The following FMN1 variants were observed in gnomAD, a reference collection of about 807,000 sequenced individuals.
The protein encoded by FMN1 is formin-1.
FMN1 carries 110 observed loss-of-function variants against 132.4 expected under a neutral mutation model. The observed-to-expected ratio is 0.83, with a 90% CI of 0.71 to 0.97. FMN1 has a LOEUF of 0.97. Ranked by LOEUF, FMN1 falls within the 50% of genes least tolerant of loss-of-function variation. The pLI is 0.00. For synonymous variants in FMN1, 722 were observed against 651.7 expected, an observed-to-expected ratio of 1.11 and a Z score of -1.64; for missense variants, 1,792 against 1,705.3, an observed-to-expected ratio of 1.05 and a Z score of -0.90.
chr15:32,944,988 A>G (rs347917), intron 9 of FMN1, among the ~76,000 whole-genome samples: 2,473 of 152,230 alleles, frequency 0.016, 68 homozygotes, highest in African/African-American at 0.057. Flanking sequence ...TTGATTTTAG[A>G]CTTCTAGACT....
chr15:33,116,806 G>A (rs2039945545), intron 4 of FMN1, among the ~76,000 whole-genome samples: 1 of 152,000 alleles, frequency 6.6e-6, no homozygotes, highest in Non-Finnish European at 1.5e-5. Flanking sequence ...TTGAATTCAG[G>A]AAGGTTACTA....
intron 7 of FMN1, among the ~76,000 whole-genome samples, chr15:32,997,279 A>T (rs1180867142): frequency 6.7e-6 from 1 of 150,328 alleles, no homozygotes; most frequent in South Asian, 2.1e-4. Context: ...AAAGAACTCT[A>T]TTGTTTATTT....
chr15:32,885,933 T>C (rs2059886160), intron 16 of FMN1, among the ~76,000 whole-genome samples: 1 of 152,168 alleles, frequency 6.6e-6, no homozygotes, highest in Non-Finnish European at 1.5e-5. Flanking sequence ...TACGACACTT[T>C]AATGGCTACA....
At chr15:33,144,783 C>A (rs2468756) in intron 4 of FMN1, among the ~76,000 whole-genome samples, 72,566 of 151,912 alleles carry the variant, frequency 0.48, 17,591 homozygotes, top group East Asian at 0.68. Context: ...AAATCCACAT[C>A]GAATAAACAA....
At chr15:33,081,732 G>T (rs577302092) in intron 5 of FMN1, among the ~76,000 whole-genome samples, 1 of 152,250 alleles carries the variant, frequency 6.6e-6, no homozygotes, top group East Asian at 1.9e-4. Flanking sequence ...AATCCTGCCC[G>T]TGCCCTTGCT....
At position 32,934,161 on chromosome 15, in the gene FMN1, CTTA is replaced by C. The variant is rs373913199; in HGVS notation, c.3139-7903_3139-7901del. On this transcript the variant is annotated intron_variant, in intron 9 of 20. Coordinates refer to ENST00000616417, the MANE Select transcript of FMN1 (RefSeq NM_001277313.2). ...CATTTTCTTTGTTGTTACTATGAGACTTACATAAAACATTTTATAGGTATAATA... is the reference window on the plus strand; with the variant it reads ...CATTTTCTTTGTTGTTACTATGAGACCATAAAACATTTTATAGGTATAATA... Among the ~76,000 whole-genome samples the C allele has an allele frequency of 2.7e-3, 409 of 152,148 alleles. 4 individuals carry two copies. The highest frequency in any genetic ancestry group is 9.6e-3 in the African/African-American group (399 of 41,526).
chr15:33,000,804 A>G (rs994179034), intron 7 of FMN1, among the ~76,000 whole-genome samples: 2 of 152,238 alleles, frequency 1.3e-5, no homozygotes, highest in African/African-American at 4.8e-5. Flanking sequence ...TGTACGTGGT[A>G]AAGCTCAAAC....
At chr15:33,059,673 CAG>C (rs1165214918) in intron 6 of FMN1, among the ~76,000 whole-genome samples, 1 of 152,158 alleles carries the variant, frequency 6.6e-6, no homozygotes, top group African/African-American at 2.4e-5. Flanking sequence ...AATTTATCAA[CAG>C]AGTATTAATA....
chr15:33,169,339 C>T (rs975502004), intron 3 of FMN1, among the ~76,000 whole-genome samples: 10 of 152,138 alleles, frequency 6.6e-5, no homozygotes, highest in African/African-American at 1.9e-4. Flanking sequence ...CAAAACACAT[C>T]CTCAAAACAC....
intron 4 of FMN1, among the ~76,000 whole-genome samples, chr15:33,111,839 G>A (rs2039717979): frequency 6.6e-6 from 1 of 152,116 alleles, no homozygotes. Context: ...TTTGGGGGAG[G>A]TGATGAAAAT....
chr15:32,899,516 C>G (rs998123706), intron 14 of FMN1, among the ~76,000 whole-genome samples: 1 of 152,178 alleles, frequency 6.6e-6, no homozygotes, highest in African/African-American at 2.4e-5. Flanking sequence ...GGTGTGGAGC[C>G]AAGTGATAAT....
At chr15:32,856,690 G>A (rs1009353868) in intron 17 of FMN1, among the ~76,000 whole-genome samples, 17 of 152,222 alleles carry the variant, frequency 1.1e-4, no homozygotes, top group African/African-American at 3.9e-4. Flanking sequence ...TGCCTTACAT[G>A]TATGTCATTT....
intron 6 of FMN1, among the ~76,000 whole-genome samples, chr15:33,033,868 T>C (rs544117644): frequency 2.6e-5 from 4 of 152,254 alleles, no homozygotes; most frequent in African/African-American, 7.2e-5. Context: ...ATTTGCTCTA[T>C]CACGCGGCAC....
At chr15:33,041,396 A>T (rs1396555257) in intron 6 of FMN1, among the ~76,000 whole-genome samples, 3 of 150,372 alleles carry the variant, frequency 2.0e-5, no homozygotes, top group African/African-American at 7.3e-5. Context: ...CAGTTAAAAA[A>T]AAAAAAAAAA....
chr15:33,187,209 A>G lies in FMN1; in HGVS notation c.-197+6700T>C, dbSNP rs1595615937. Among the ~76,000 whole-genome samples the G allele has an allele frequency of 2.0e-5, 3 of 152,278 alleles. No individual in the cohort carries two copies. The South Asian group carries it at 6.2e-4, about 32-fold the overall frequency. On this transcript the variant is annotated intron_variant, in intron 2 of 20. Transcript: ENST00000616417. ...TTTTCCCCTTTGCTTAACCCCCACT[A>G]AGGCAGGTATTAGAATTGGAATTCA...
At chr15:32,841,313 C>A (rs1370860547) in intron 17 of FMN1, among the ~76,000 whole-genome samples, 2 of 152,066 alleles carry the variant, frequency 1.3e-5, no homozygotes, top group African/African-American at 4.8e-5. Context: ...CTCATATATC[C>A]AAGGGAATCA....
In FMN1 at chr15:32,980,555, CAT is replaced by C. The variant is rs1298209979; in HGVS notation, c.2224-11080_2224-11079del. 5.9e-5 allele frequency among the ~76,000 whole-genome samples: 9 copies of C among 152,174 alleles called. No individual in the cohort carries two copies. In the East Asian group the frequency reaches 1.7e-3, roughly 29 times the overall value. ...ACAGTATTATGCCAAAAATTTTACA[CAT>C]TTATATACCATCAGCAGATCTACTA... is the stretch of plus-strand genomic sequence containing the variant. On this transcript the variant is annotated intron_variant, in intron 7 of 20. Transcript: ENST00000616417.
intron 4 of FMN1, among the ~76,000 whole-genome samples, chr15:33,094,365 C>T (rs1471790112): frequency 6.6e-6 from 1 of 152,134 alleles, no homozygotes; most frequent in East Asian, 1.9e-4. Flanking sequence ...GTAAAGAACT[C>T]TATATACAAT....
rs1239565681 is a variant in FMN1, at chr15:33,008,223, T to C, written c.2162-148A>G. 4.5e-6 allele frequency: 3 copies of C among 664,814 alleles called. No homozygotes were observed. In the African/African-American group the frequency reaches 5.5e-5, roughly 12 times the overall value. The allele number at this position is 664,814 out of a possible 1,614,324, so 41.2% of individuals were successfully genotyped here. ...AGAGATGTTAAAAATTACAGAAAGATAGGACAAGTAGTTCAGGGTAAAAGG... is the reference window on the plus strand; with the variant it reads ...AGAGATGTTAAAAATTACAGAAAGACAGGACAAGTAGTTCAGGGTAAAAGG... On this transcript the variant is annotated intron_variant, in intron 6 of 20. Transcript: ENST00000616417.
Sources: allele counts gnomAD v4.1 joint callset (sites outside exome capture counted in the v4.1 genomes callset), GRCh38; gene constraint gnomAD v4.1.1; transcripts MANE v1.5; gene names NCBI Gene and HGNC (gene_info 2026-07-23, HGNC 2026-07-21).